PLXDC2: variants seen among roughly 807,000 people sequenced by gnomAD.
The protein encoded by PLXDC2 is plexin domain-containing protein 2.
PLXDC2 carries 40 observed loss-of-function variants against 68.9 expected under a neutral mutation model. The observed-to-expected ratio is 0.58, with a 90% CI of 0.45 to 0.76. PLXDC2 has a LOEUF of 0.76. Among genes scored for constraint, PLXDC2 ranks in the 30% least tolerant of loss-of-function variants. The pLI, the probability that PLXDC2 is intolerant of heterozygous loss-of-function variation, is 0.00. For synonymous variants in PLXDC2, 243 were observed against 234.2 expected, an observed-to-expected ratio of 1.04 and a Z score of -0.34; for missense variants, 644 against 661.9, an observed-to-expected ratio of 0.97 and a Z score of 0.30.
At chr10:20,003,959 T>A (rs1834983196) in intron 2 of PLXDC2, among the ~76,000 whole-genome samples, 1 of 152,176 alleles carries the variant, frequency 6.6e-6, no homozygotes, top group Admixed American at 6.5e-5. Flanking sequence ...TGCGTGCTGG[T>A]ACATTCTTTC....
intron 1 of PLXDC2, among the ~76,000 whole-genome samples, chr10:19,861,317 G>A (rs1443538872): frequency 2.0e-5 from 3 of 152,026 alleles, no homozygotes; most frequent in Non-Finnish European, 2.9e-5. Context: ...TTACGGGCAT[G>A]AGCCACCGAG....
At chr10:20,145,728 T>G (rs1488528369) in intron 5 of PLXDC2, among the ~76,000 whole-genome samples, 1 of 151,782 alleles carries the variant, frequency 6.6e-6, no homozygotes, top group Non-Finnish European at 1.5e-5. Flanking sequence ...TTTTTAATAT[T>G]TTTTTTAGTA....
intron 1 of PLXDC2, among the ~76,000 whole-genome samples, chr10:19,971,800 C>T (rs1241459180): frequency 1.3e-5 from 2 of 151,956 alleles, no homozygotes; most frequent in Non-Finnish European, 2.9e-5. Flanking sequence ...TATAACAAGT[C>T]GACTCAGCCC....
intron 13 of PLXDC2, among the ~76,000 whole-genome samples, chr10:20,271,567 G>A (rs1835941234): frequency 2.6e-5 from 4 of 152,132 alleles, no homozygotes; most frequent in Admixed American, 2.6e-4. Flanking sequence ...TTCTCCACTA[G>A]TTGGTTCTGT....
intron 4 of PLXDC2, among the ~76,000 whole-genome samples, chr10:20,087,968 G>A (rs1479943076): frequency 1.3e-5 from 2 of 152,146 alleles, no homozygotes; most frequent in African/African-American, 2.4e-5. Context: ...TAACTTGAAC[G>A]CTAATGAAGT....
At chr10:20,194,445 T>A (rs1018413390) in intron 9 of PLXDC2, among the ~76,000 whole-genome samples, 1 of 152,000 alleles carries the variant, frequency 6.6e-6, no homozygotes, top group East Asian at 1.9e-4. Flanking sequence ...CAAAATAAAT[T>A]AATGAAATTG....
intron 2 of PLXDC2, among the ~76,000 whole-genome samples, chr10:20,018,238 A>C (rs1458632029): frequency 6.6e-6 from 1 of 152,220 alleles, no homozygotes; most frequent in East Asian, 1.9e-4. Flanking sequence ...CCTTCTCTCC[A>C]GAAAACATTT....
chr10:19,952,695 G>A (rs1171376458), intron 1 of PLXDC2, among the ~76,000 whole-genome samples: 5 of 152,104 alleles, frequency 3.3e-5, no homozygotes, highest in Non-Finnish European at 7.4e-5. Flanking sequence ...GACCTGCTTG[G>A]ATATGTACCT....
intron 1 of PLXDC2, among the ~76,000 whole-genome samples, chr10:19,916,256 C>T (rs1170378698): frequency 6.8e-6 from 1 of 146,326 alleles, no homozygotes; most frequent in Admixed American, 6.9e-5. Flanking sequence ...AGCAATTCTC[C>T]TGCCTCAGCC....
At chr10:19,899,799 C>A (rs4748624) in intron 1 of PLXDC2, among the ~76,000 whole-genome samples, 31,111 of 151,860 alleles carry the variant, frequency 0.2, 3,739 homozygotes, top group East Asian at 0.47. Context: ...TCTTTAACAC[C>A]TTTATGTGTT....
At chr10:20,233,987 C>CG in intron 12 of PLXDC2, among the ~76,000 whole-genome samples, 1 of 144,976 alleles carries the variant, frequency 6.9e-6, no homozygotes, top group Middle Eastern at 3.5e-3. Flanking sequence ...TGCCCACCTA[C>CG]TTTTTTTTTT....
chr10:20,091,218 A>T (rs1044623836), intron 4 of PLXDC2, among the ~76,000 whole-genome samples: 1 of 152,232 alleles, frequency 6.6e-6, no homozygotes. Context: ...ACTGAATTTA[A>T]TATCACACTC....
chr10:20,218,245 G>A (rs760024666), intron 11 of PLXDC2, among the ~76,000 whole-genome samples: 57 of 152,150 alleles, frequency 3.7e-4, no homozygotes, highest in Middle Eastern at 3.4e-3. Flanking sequence ...CATAAGACTG[G>A]CCACGAATCA....
chr10:19,823,670 C>CAA (rs745633152), intron 1 of PLXDC2, among the ~76,000 whole-genome samples: 1 of 138,984 alleles, frequency 7.2e-6, no homozygotes, highest in Non-Finnish European at 1.6e-5. Context: ...GACTTCATCT[C>CAA]AAAAAAAAAA....
intron 1 of PLXDC2, among the ~76,000 whole-genome samples, chr10:19,871,300 G>T (rs1837529673): frequency 6.6e-6 from 1 of 152,144 alleles, no homozygotes; most frequent in Non-Finnish European, 1.5e-5. Context: ...TAACCACATT[G>T]TGTTGACTTG....
chr10:20,085,576 A>G (rs1286221265), intron 4 of PLXDC2, among the ~76,000 whole-genome samples: 2 of 152,208 alleles, frequency 1.3e-5, no homozygotes, highest in South Asian at 2.1e-4. Context: ...TTCAAACTGT[A>G]TACAAGATTA....
At chr10:20,106,969 A>G (rs112786404) in intron 4 of PLXDC2, among the ~76,000 whole-genome samples, 1 of 150,378 alleles carries the variant, frequency 6.6e-6, no homozygotes, top group African/African-American at 2.4e-5. Context: ...AAAAAACTCT[A>G]AACTCCTTTA....
At chr10:20,179,133 G>A (rs1318149684) in intron 9 of PLXDC2, among the ~76,000 whole-genome samples, 3 of 152,052 alleles carry the variant, frequency 2.0e-5, no homozygotes, top group Admixed American at 1.3e-4. Context: ...TTAAATAGGA[G>A]GCACTGGTTT....
intron 4 of PLXDC2, among the ~76,000 whole-genome samples, chr10:20,139,648 T>G (rs1459719313): frequency 1.3e-5 from 2 of 152,082 alleles, no homozygotes; most frequent in African/African-American, 4.8e-5. Context: ...ATGTAGCACA[T>G]AAACCCCATG....
Sources: allele counts gnomAD v4.1 joint callset (sites outside exome capture counted in the v4.1 genomes callset), GRCh38; gene constraint gnomAD v4.1.1; transcripts MANE v1.5; gene names NCBI Gene and HGNC (gene_info 2026-07-23, HGNC 2026-07-21).